The following CDYL2 variants were observed in gnomAD, a reference collection of about 807,000 sequenced individuals.
The protein encoded by CDYL2 is chromodomain Y-like protein 2.
In CDYL2, 23 loss-of-function variants were observed where a neutral mutation model predicts 49.4. The observed-to-expected ratio is 0.47, with a 90% CI of 0.34 to 0.66. The LOEUF (loss-of-function observed/expected upper bound fraction) is 0.66, where lower values mean the gene tolerates loss of function less well. Ranked by LOEUF, CDYL2 falls within the 30% of genes least tolerant of loss-of-function variation. The pLI, the probability that CDYL2 is intolerant of heterozygous loss-of-function variation, is 0.01. For synonymous variants in CDYL2, 360 were observed against 268.8 expected (o/e 1.34, Z -3.32); for missense variants, 678 against 656.4 (o/e 1.03, Z -0.36).
chr16:80,732,563 C>G (rs1394230507), intron 1 of CDYL2, among the ~76,000 whole-genome samples: 1 of 152,178 alleles, frequency 6.6e-6, no homozygotes, highest in Non-Finnish European at 1.5e-5. Context: ...TGGGAGATGT[C>G]TGAAGGGAAC....
chr16:80,675,533 T>A (rs1909708641), intron 2 of CDYL2, among the ~76,000 whole-genome samples: 1 of 152,202 alleles, frequency 6.6e-6, no homozygotes, highest in African/African-American at 2.4e-5. Flanking sequence ...TCATCATTCA[T>A]GAAGACTGGC....
chr16:80,751,915 G>A (rs897384151), intron 1 of CDYL2, among the ~76,000 whole-genome samples: 1 of 152,144 alleles, frequency 6.6e-6, no homozygotes, highest in Non-Finnish European at 1.5e-5. Flanking sequence ...CTCAGGAGAT[G>A]GGCTGAGTGA....
chr16:80,634,548 T>C (rs76836853), intron 2 of CDYL2, among the ~76,000 whole-genome samples: 4,875 of 152,104 alleles, frequency 0.032, 281 homozygotes, highest in African/African-American at 0.11. Flanking sequence ...GTAATGTAAA[T>C]GAAGAGTTAA....
chr16:80,620,187 T>A lies in CDYL2; in HGVS notation c.1007+576A>T, dbSNP rs1248978713. 2.0e-5 allele frequency among the ~76,000 whole-genome samples: 3 copies of A among 152,324 alleles called. 1 individual carries two copies. The highest frequency in any genetic ancestry group is 3.9e-4 in the East Asian group (2 of 5,186). On this transcript the variant is annotated intron_variant, in intron 4 of 6. Coordinates refer to ENST00000570137, the MANE Select transcript of CDYL2 (RefSeq NM_152342.4). Reference sequence around the variant, plus strand: ...ATGGGGAAATAACTACCCTTCAGTGTCCCAAAAGGGTACTCATTGTTGGGA... The same window carrying A: ...ATGGGGAAATAACTACCCTTCAGTGACCCAAAAGGGTACTCATTGTTGGGA...
At chr16:80,630,762 A>G (rs1311756180) in intron 3 of CDYL2, among the ~76,000 whole-genome samples, 7 of 152,178 alleles carry the variant, frequency 4.6e-5, no homozygotes, top group Admixed American at 4.6e-4. Context: ...CAATCATTCC[A>G]GATGGCCGCA....
chr16:80,746,256 G>T (rs753022512), intron 1 of CDYL2, among the ~76,000 whole-genome samples: 3 of 152,178 alleles, frequency 2.0e-5, no homozygotes, highest in African/African-American at 7.2e-5. Context: ...AAAAGCACAG[G>T]CTGAGAACAT....
At chr16:80,610,273 T>C (rs1263687898) in intron 5 of CDYL2, among the ~76,000 whole-genome samples, 6 of 152,092 alleles carry the variant, frequency 3.9e-5, no homozygotes, top group Non-Finnish European at 8.8e-5. Flanking sequence ...AAATCCAGTG[T>C]AAAAGCACCT....
chr16:80,653,907 G>T (rs1908692822), intron 2 of CDYL2, among the ~76,000 whole-genome samples: 1 of 152,182 alleles, frequency 6.6e-6, no homozygotes, highest in Non-Finnish European at 1.5e-5. Flanking sequence ...TTGAGAGCCA[G>T]GATCCAGACA....
chr16:80,799,841 A>T (rs1029646117), intron 1 of CDYL2, among the ~76,000 whole-genome samples: 1 of 152,246 alleles, frequency 6.6e-6, no homozygotes, highest in Admixed American at 6.5e-5. Context: ...TACGTGCCCA[A>T]GAATCAATCC....
intron 2 of CDYL2, among the ~76,000 whole-genome samples, chr16:80,672,947 G>C (rs147922425): frequency 6.6e-6 from 1 of 152,174 alleles, no homozygotes; most frequent in Non-Finnish European, 1.5e-5. Context: ...TGCAGTAACT[G>C]TCGTATAGAA....
intron 1 of CDYL2, among the ~76,000 whole-genome samples, 192 bp downstream of exon 1, chr16:80,803,958 G>C (rs1195819581): frequency 7.1e-6 from 1 of 141,242 alleles, no homozygotes; most frequent in African/African-American, 2.5e-5. Context: ...GCCGCGGGAG[G>C]CGGCGGGCGG....
At chr16:80,720,945 C>A (rs915396489) in intron 1 of CDYL2, among the ~76,000 whole-genome samples, 1 of 152,072 alleles carries the variant, frequency 6.6e-6, no homozygotes, top group African/African-American at 2.4e-5. Context: ...ACTAAAATAA[C>A]CAGAAAGAAC....
intron 3 of CDYL2, among the ~76,000 whole-genome samples, chr16:80,625,654 T>C (rs543294832): frequency 5.9e-5 from 9 of 152,220 alleles, no homozygotes; most frequent in Admixed American, 6.5e-5. Context: ...AGCACAGACA[T>C]ATCATATTTA....
chr16:80,716,898 G>A (rs1259553705), intron 1 of CDYL2, among the ~76,000 whole-genome samples: 1 of 151,898 alleles, frequency 6.6e-6, no homozygotes, highest in South Asian at 2.1e-4. Context: ...TGGATGGATG[G>A]ATGGATGATT....
At chr16:80,655,075 A>G (rs1908747068) in intron 2 of CDYL2, among the ~76,000 whole-genome samples, 2 of 152,158 alleles carry the variant, frequency 1.3e-5, no homozygotes, top group Non-Finnish European at 2.9e-5. Flanking sequence ...GCAGGGTGTC[A>G]CCAGATGCCC....
intron 1 of CDYL2, among the ~76,000 whole-genome samples, chr16:80,777,615 AATG>A (rs1337633126): frequency 1.3e-5 from 2 of 152,112 alleles, no homozygotes; most frequent in African/African-American, 2.4e-5. Context: ...ATAAGAATAA[AATG>A]ATGTTCTTAC....
intron 1 of CDYL2, among the ~76,000 whole-genome samples, chr16:80,758,541 CTTT>C (rs58565125): frequency 2.6e-5 from 3 of 117,092 alleles, no homozygotes; most frequent in Non-Finnish European, 5.2e-5. Context: ...TGCTGCAGCA[CTTT>C]TTTTTTTTTT....
intron 1 of CDYL2, among the ~76,000 whole-genome samples, chr16:80,729,566 C>T (rs1905263195): frequency 6.6e-6 from 1 of 151,882 alleles, no homozygotes; most frequent in Non-Finnish European, 1.5e-5. Context: ...AACAAGGATA[C>T]CCAGGAATTG....
At chr16:80,770,866 C>T (rs1008033931) in intron 1 of CDYL2, among the ~76,000 whole-genome samples, 5 of 152,196 alleles carry the variant, frequency 3.3e-5, no homozygotes, top group Admixed American at 2.0e-4. Flanking sequence ...AGAAATTAAA[C>T]GATTAGACAG....
Sources: allele counts gnomAD v4.1 joint callset (sites outside exome capture counted in the v4.1 genomes callset), GRCh38; gene constraint gnomAD v4.1.1; transcripts MANE v1.5; gene names NCBI Gene and HGNC (gene_info 2026-07-23, HGNC 2026-07-21).